GCNT2: variants seen among roughly 807,000 people sequenced by gnomAD.
GCNT2 encodes N-acetyllactosaminide beta-1,6-N-acetylglucosaminyl-transferase.
GCNT2 carries 34 observed loss-of-function variants against 34.2 expected under a neutral mutation model. The ratio of observed to expected loss-of-function variants is 1.00; its 90% CI spans 0.76 to 1.32. The LOEUF is 1.32. GCNT2 is among the 40% of genes most tolerant of loss of function. The pLI is 0.00. For missense variants in GCNT2, 584 were observed against 489.4 expected, an observed-to-expected ratio of 1.19 and a Z score of -1.82; for synonymous variants, 212 against 188.0, an observed-to-expected ratio of 1.13 and a Z score of -1.04.
intron 3 of GCNT2, among the ~76,000 whole-genome samples, chr6:10,599,586 C>T (rs929352312): frequency 6.6e-6 from 1 of 152,110 alleles, no homozygotes; most frequent in South Asian, 2.1e-4. Context: ...CCAGTGGTCC[C>T]CAGAGAATTG....
rs1763496421 is a variant in GCNT2 at position 10,570,184 on chromosome 6, C to G, written c.925+40348C>G. ...TCCTGGACTCAAGTGATTCACCTGT[C>G]TCAGCCTCCCAAAGTGTCGGGATTA... On this transcript the variant is annotated intron_variant, in intron 3 of 4. Coordinates refer to ENST00000495262, the MANE Select transcript of GCNT2 (RefSeq NM_145649.5). Among the ~76,000 whole-genome samples the G allele has an allele frequency of 2.6e-5, 4 of 152,296 alleles. No homozygotes were observed. The South Asian group carries it at 8.3e-4, about 32-fold the overall frequency.
At position 10,576,654 on chromosome 6, in the gene GCNT2, T is replaced by C. The variant is rs6907339; in HGVS notation, c.926-44697T>C. ...GGGAGTTCCAGGATGAAAGAGGGCT[T>C]TTCAATAGGACAGAGACAGAAAGAG... On this transcript the variant is annotated intron_variant, in intron 3 of 4. Coordinates refer to ENST00000495262, the MANE Select transcript of GCNT2 (RefSeq NM_145649.5). Among the ~76,000 whole-genome samples, 1,094 of 151,768 alleles carry C rather than the reference T, an allele frequency of 7.2e-3. 14 individuals are homozygous for C. Among genetic ancestry groups the C allele is most frequent in the African/African-American group, 0.025 (1,031 of 41,264 alleles).
intron 3 of GCNT2, among the ~76,000 whole-genome samples, chr6:10,564,827 G>A (rs1763205820): frequency 6.6e-6 from 1 of 152,106 alleles, no homozygotes; most frequent in Admixed American, 6.6e-5. Flanking sequence ...CACTTTGCTG[G>A]GTACTGAGAA....
At chr6:10,584,847 A>T (rs982704722) in intron 3 of GCNT2, among the ~76,000 whole-genome samples, 3 of 152,162 alleles carry the variant, frequency 2.0e-5, no homozygotes, top group Admixed American at 2.0e-4. Flanking sequence ...GGAGTTTCTT[A>T]TGTCTTCTGT....
intron 3 of GCNT2, among the ~76,000 whole-genome samples, chr6:10,558,670 T>C (rs998130932): frequency 1.3e-5 from 2 of 152,230 alleles, no homozygotes; most frequent in Non-Finnish European, 2.9e-5. Flanking sequence ...TGTTGGGGGA[T>C]TGCCAAGTTC....
At chr6:10,617,747 C>CT (rs1407402607) in intron 3 of GCNT2, among the ~76,000 whole-genome samples, 4 of 114,286 alleles carry the variant, frequency 3.5e-5, no homozygotes, top group African/African-American at 1.7e-4. Flanking sequence ...GTCTGCATTT[C>CT]TTCTTTTTTT....
intron 3 of GCNT2, among the ~76,000 whole-genome samples, chr6:10,577,837 G>A (rs944053738): frequency 5.3e-5 from 8 of 151,958 alleles, no homozygotes; most frequent in East Asian, 1.9e-4. Context: ...TGCTGCACCC[G>A]GCCTATTGAA....
intron 3 of GCNT2, chr6:10,574,823 T>G (rs1763725350): frequency 1.1e-5 from 7 of 649,812 alleles, no homozygotes; most frequent in South Asian, 1.0e-4. Context: ...TGTGCTACTC[T>G]GGGTGGAGCA....
At chr6:10,524,577 G>T (rs572922270) in intron 1 of GCNT2, among the ~76,000 whole-genome samples, 1 of 152,210 alleles carries the variant, frequency 6.6e-6, no homozygotes, top group East Asian at 1.9e-4. Flanking sequence ...GATAAAGCAG[G>T]GTACCGAACT....
At position 10,529,232 on chromosome 6, in the gene GCNT2, C is replaced by T. The variant is rs113929825; in HGVS notation, c.321C>T (p.Phe107=). Residue 107 remains phenylalanine (F), a synonymous_variant, in exon 3 of 5, where the codon TTC becomes TTT. Coordinates refer to ENST00000495262, the MANE Select transcript of GCNT2 (RefSeq NM_145649.5). The part of the protein sequence containing the change: ...LAYTVTIHKD[F]GTFERLFRAI... The stretch of plus-strand genomic sequence containing the variant: ...ACACAGTGACCATCCACAAAGACTT[C>T]GGCACTTTTGAGAGGCTCTTCAGGG... The T allele has an allele frequency of 2.7e-5, 44 of 1,614,040 alleles. No individual in the cohort carries two copies. The highest frequency in any genetic ancestry group is 2.7e-4 in the East Asian group (12 of 44,904).
intron 3 of GCNT2, among the ~76,000 whole-genome samples, chr6:10,589,683 C>T (rs1366422012): frequency 1.9e-4 from 29 of 152,154 alleles, no homozygotes; most frequent in Admixed American, 1.3e-3. Flanking sequence ...AAAGTTTTCA[C>T]TCCATCAGCT....
At chr6:10,579,024 C>T (rs1763952179) in intron 3 of GCNT2, among the ~76,000 whole-genome samples, 3 of 152,144 alleles carry the variant, frequency 2.0e-5, no homozygotes, top group South Asian at 2.1e-4. Flanking sequence ...TAGGAATTCA[C>T]CACACTGCAT....
In GCNT2 at chr6:10,582,412, ATATTTAT is replaced by A. The variant is rs1561816630; in HGVS notation, c.926-38935_926-38929del. 2.3e-4 allele frequency among the ~76,000 whole-genome samples: 29 copies of A among 125,172 alleles called. 1 individual carries two copies. The highest frequency in any genetic ancestry group is 9.1e-4 in the African/African-American group (29 of 31,806). 82.1% of individuals were successfully genotyped at this position (125,172 alleles called of 152,430 possible). A position where few individuals can be genotyped will look rare whatever the true frequency, so the allele number is the denominator to read the frequency against. ...ATTATATACTATAATAAATAGTATA[ATATTTAT>A]TATATACTATAATTTAATATTTATT... is the stretch of plus-strand genomic sequence containing the variant. On this transcript the variant is annotated intron_variant, in intron 3 of 4. Transcript: ENST00000495262.
chr6:10,522,445 G>A (rs1043456656), intron 1 of GCNT2, among the ~76,000 whole-genome samples: 9 of 152,180 alleles, frequency 5.9e-5, no homozygotes, highest in African/African-American at 1.9e-4. Flanking sequence ...GTCGTCACTT[G>A]TAAATAGTCT....
rs1025571011 is a variant in GCNT2, at chr6:10,628,696, A to C, written c.*2089A>C. ...GTTTAGATGAGGTCACGAGGGTAGG[A>C]CCCTCATGATGGGATGAGTCCCCTT... On this transcript the variant is annotated 3_prime_UTR_variant, in exon 5 of 5. Coordinates refer to ENST00000495262, the MANE Select transcript of GCNT2 (RefSeq NM_145649.5). The C allele has an allele frequency of 1.3e-5, 2 of 152,206 alleles. No homozygotes were observed. Among genetic ancestry groups the C allele is most frequent in the African/African-American group, 4.8e-5 (2 of 41,448 alleles). The allele number at this position is 152,206 out of a possible 1,614,324, so 9.4% of individuals were successfully genotyped here.
At chr6:10,556,786 C>G (rs1762729145) in intron 3 of GCNT2, 1 of 1,614,154 alleles carries the variant, frequency 6.2e-7, no homozygotes, top group Non-Finnish European at 8.5e-7. Context: ...CCCAAAATAT[C>G]TACTGTGTTC....
rs1761331498 is a variant in GCNT2, at chr6:10,528,923, T to G, written c.12T>G (p.Ser4=). The change falls in exon 3 of 5, where the codon TCT becomes TCG. Residue 4 remains serine, a synonymous_variant. Coordinates refer to ENST00000495262, the MANE Select transcript of GCNT2 (RefSeq NM_145649.5). MMG[S]WKHCLFSASL... is the part of the protein sequence containing the mutation. Reference sequence around the variant, plus strand: ...TTTCCTGGTTGTGAATGATGGGCTCTTGGAAGCACTGTCTTTTTAGCGCGT... The same window carrying G: ...TTTCCTGGTTGTGAATGATGGGCTCGTGGAAGCACTGTCTTTTTAGCGCGT... The G allele has an allele frequency of 6.2e-7, 1 of 1,613,026 alleles. No individual in the cohort carries two copies. The highest frequency in any genetic ancestry group is 1.3e-5 in the African/African-American group (1 of 74,908).
chr6:10,587,528 G>A (rs1050942216), intron 3 of GCNT2, among the ~76,000 whole-genome samples: 2 of 152,154 alleles, frequency 1.3e-5, no homozygotes, highest in Admixed American at 6.5e-5. Context: ...TGGAACATAC[G>A]GAGAGAGAAT....
At chr6:10,557,639 C>T (rs1288128149) in intron 3 of GCNT2, among the ~76,000 whole-genome samples, 3 of 152,022 alleles carry the variant, frequency 2.0e-5, no homozygotes, top group African/African-American at 7.3e-5. Context: ...AGGTGCACAC[C>T]ACCATACTGG....
Sources: allele counts gnomAD v4.1 joint callset (sites outside exome capture counted in the v4.1 genomes callset), GRCh38; gene constraint gnomAD v4.1.1; transcripts MANE v1.5; gene names NCBI Gene and HGNC (gene_info 2026-07-23, HGNC 2026-07-21).